The following PLCH1 variants were observed in gnomAD, a reference collection of about 807,000 sequenced individuals.
The protein encoded by PLCH1 is phospholipase C eta 1.
Under a neutral mutation model 126.7 loss-of-function variants are expected in PLCH1, and 60 were observed. That is an observed-to-expected ratio of 0.47 (90% confidence interval 0.38 to 0.59). The LOEUF (loss-of-function observed/expected upper bound fraction) is 0.59. Ranked by LOEUF, PLCH1 falls within the 20% of genes least tolerant of loss-of-function variation. The pLI, the probability that PLCH1 is intolerant of heterozygous loss-of-function variation, is 0.00. For missense variants in PLCH1, 1,723 were observed against 2,040.0 expected (o/e 0.84, Z 2.99); for synonymous variants, 719 against 734.9 (o/e 0.98, Z 0.35).
chr3:155,666,824 A>C (rs1742771963), intron 2 of PLCH1, among the ~76,000 whole-genome samples: 1 of 152,164 alleles, frequency 6.6e-6, no homozygotes, highest in African/African-American at 2.4e-5. Context: ...AGCTTAGAGA[A>C]AAAATATAAG....
chr3:155,673,652 C>G (rs1331807970), intron 2 of PLCH1, among the ~76,000 whole-genome samples: 1 of 152,152 alleles, frequency 6.6e-6, no homozygotes, highest in Non-Finnish European at 1.5e-5. Flanking sequence ...TACACGTCTT[C>G]AAGAAAATTA....
At chr3:155,701,297 C>T (rs1318955637) in intron 2 of PLCH1, among the ~76,000 whole-genome samples, 1 of 152,144 alleles carries the variant, frequency 6.6e-6, no homozygotes, top group Admixed American at 6.5e-5. Flanking sequence ...CCTCTATAAT[C>T]AGAAAATGAG....
intron 4 of PLCH1, among the ~76,000 whole-genome samples, chr3:155,591,557 ACTGTTTTT>A (rs1192335027): frequency 6.6e-6 from 1 of 152,232 alleles, no homozygotes; most frequent in Non-Finnish European, 1.5e-5. Flanking sequence ...GTGAAGCAAT[ACTGTTTTT>A]CTAACGTGTT....
At position 155,482,091 on chromosome 3, in the gene PLCH1, G is replaced by T; in HGVS notation, c.3935C>A (p.Thr1312Asn). Reference protein sequence around the residue: ...TSRGWLPKSPTKGEDWETLKS... With the variant: ...TSRGWLPKSPNKGEDWETLKS... ...CAGTGTTTCCCAGTCTTCTCCCTTG[G>T]TAGGACTTTTTGGTAACCAGCCACG... Residue 1312 changes from threonine (T) to asparagine (N), a missense_variant, in exon 23 of 23, where the codon ACC becomes AAC. Thr to Asn is a moderately conservative substitution (Grantham distance 65). Transcript: ENST00000460012. 1 of 1,614,152 alleles carries T rather than the reference G, an allele frequency of 6.2e-7. No individual in the cohort carries two copies. Among genetic ancestry groups the T allele is most frequent in the Non-Finnish European group, 8.5e-7 (1 of 1,180,018 alleles).
chr3:155,490,006 AAATGC>A (rs1715932861), intron 19 of PLCH1, among the ~76,000 whole-genome samples: 1 of 152,200 alleles, frequency 6.6e-6, no homozygotes, highest in East Asian at 1.9e-4. Context: ...ATCGGTGGGA[AAATGC>A]AATTTGAGAA....
At chr3:155,675,209 T>C (rs1168880238) in intron 2 of PLCH1, among the ~76,000 whole-genome samples, 2 of 152,202 alleles carry the variant, frequency 1.3e-5, no homozygotes, top group African/African-American at 4.8e-5. Flanking sequence ...TCAGCATTGA[T>C]GGGATAAAGT....
intron 2 of PLCH1, chr3:155,676,194 T>A: frequency 7.7e-7 from 1 of 1,303,234 alleles, no homozygotes; most frequent in Non-Finnish European, 9.8e-7. Flanking sequence ...CTGCCCTTTA[T>A]GGCATGATGA....
At chr3:155,580,843 T>C (rs1730572665) in intron 6 of PLCH1, among the ~76,000 whole-genome samples, 1 of 152,208 alleles carries the variant, frequency 6.6e-6, no homozygotes, top group Non-Finnish European at 1.5e-5. Flanking sequence ...CTTCACATTC[T>C]CTTTCCTTTT....
chr3:155,475,212 A>G (rs1251494000), downstream of PLCH1, among the ~76,000 whole-genome samples: 2 of 152,072 alleles, frequency 1.3e-5, no homozygotes, highest in Admixed American at 6.5e-5. Context: ...GTTCCTGAAT[A>G]ACCACTGGTT....
chr3:155,662,073 T>C (rs1742226697), intron 2 of PLCH1, among the ~76,000 whole-genome samples: 1 of 152,168 alleles, frequency 6.6e-6, no homozygotes, highest in East Asian at 1.9e-4. Context: ...ACCCACATAG[T>C]TCAATGAAAG....
chr3:155,456,139 C>T (rs1000673350), intron 21 of PLCH1, among the ~76,000 whole-genome samples: 1 of 152,048 alleles, frequency 6.6e-6, no homozygotes, highest in Non-Finnish European at 1.5e-5. Context: ...ATGTGCTGAC[C>T]TCCTTCTCAA....
At chr3:155,741,474 A>G (rs1749614912) in intron 1 of PLCH1, among the ~76,000 whole-genome samples, 1 of 152,278 alleles carries the variant, frequency 6.6e-6, no homozygotes, top group South Asian at 2.1e-4. Context: ...AGGAAAGATG[A>G]GAGTTTCCCT....
intron 2 of PLCH1, among the ~76,000 whole-genome samples, chr3:155,680,189 C>G (rs1398533474): frequency 6.6e-6 from 1 of 152,132 alleles, no homozygotes; most frequent in African/African-American, 2.4e-5. Flanking sequence ...TTGAGACCAG[C>G]CTGACCAACA....
At chr3:155,619,208 G>T (rs1163724115) in intron 2 of PLCH1, among the ~76,000 whole-genome samples, 1 of 152,020 alleles carries the variant, frequency 6.6e-6, no homozygotes, top group Non-Finnish European at 1.5e-5. Context: ...TATTTGTTAA[G>T]GTTGTTATTG....
rs555654326 is a variant in PLCH1 at position 155,671,996 on chromosome 3, G to A, written c.79+32150C>T. Among the ~76,000 whole-genome samples, 361 of 152,106 alleles carry A rather than the reference G, an allele frequency of 2.4e-3. 2 individuals are homozygous for A. The highest frequency in any genetic ancestry group is 4.2e-3 in the Non-Finnish European group (287 of 67,974). On this transcript the variant is annotated intron_variant, in intron 2 of 22. Transcript: ENST00000460012. Reference sequence around the variant, plus strand: ...TTTCAACTTTTTAAATTAACAAGGCGTAACAAAAAACTCTATTCACAATAC... The same window carrying A: ...TTTCAACTTTTTAAATTAACAAGGCATAACAAAAAACTCTATTCACAATAC...
intron 9 of PLCH1, among the ~76,000 whole-genome samples, chr3:155,552,934 C>T (rs1266533269): frequency 6.6e-6 from 1 of 152,230 alleles, no homozygotes; most frequent in African/African-American, 2.4e-5. Flanking sequence ...GAGGCCAGTG[C>T]TGCCCCTAAC....
At chr3:155,576,066 A>AG (rs1475373887) in intron 6 of PLCH1, among the ~76,000 whole-genome samples, 1 of 152,146 alleles carries the variant, frequency 6.6e-6, no homozygotes, top group Non-Finnish European at 1.5e-5. Context: ...AAGGTTGCCA[A>AG]GGGGATGGGA....
chr3:155,589,947 A>G (rs1207467173), intron 4 of PLCH1, among the ~76,000 whole-genome samples: 6 of 152,210 alleles, frequency 3.9e-5, no homozygotes, highest in East Asian at 1.9e-4. Flanking sequence ...GCAAAAGAAC[A>G]TAAGTAATTC....
chr3:155,738,403 AG>A (rs1308095925), intron 1 of PLCH1, among the ~76,000 whole-genome samples: 1 of 152,108 alleles, frequency 6.6e-6, no homozygotes, highest in African/African-American at 2.4e-5. Context: ...ACACTTTGGG[AG>A]GTAGAGGTCG....
Sources: gnomAD v4.1 joint callset for allele counts (sites outside exome capture counted in the v4.1 genomes callset) on GRCh38, gnomAD v4.1.1 for gene constraint, MANE v1.5 for transcripts, NCBI Gene and HGNC (gene_info 2026-07-23, HGNC 2026-07-21) for gene names.